Variants in PACRG observed in about 807,000 individuals in gnomAD.
The protein encoded by PACRG is parkin coregulated gene protein.
Under a neutral mutation model 29.7 loss-of-function variants are expected in PACRG, and 29 were observed. The observed-to-expected ratio is 0.98, with a 90% CI of 0.73 to 1.33. The LOEUF (loss-of-function observed/expected upper bound fraction) is 1.33. PACRG is among the 40% of genes most tolerant of loss of function. PACRG has a pLI of 0.00. For missense variants in PACRG, 279 were observed against 316.2 expected, an observed-to-expected ratio of 0.88 and a Z score of 0.89; for synonymous variants, 116 against 118.7, an observed-to-expected ratio of 0.98 and a Z score of 0.15.
intron 4 of PACRG, among the ~76,000 whole-genome samples, chr6:163,267,719 G>A (rs748981180): frequency 3.3e-5 from 5 of 152,116 alleles, no homozygotes; most frequent in Non-Finnish European, 5.9e-5. Context: ...TAGAACAATC[G>A]TATAAATCCC....
chr6:163,011,218 A>G (rs1805583225), intron 2 of PACRG, among the ~76,000 whole-genome samples: 1 of 152,184 alleles, frequency 6.6e-6, no homozygotes, highest in Non-Finnish European at 1.5e-5. Context: ...GATACCCTCT[A>G]AGAAATGTGT....
At chr6:163,173,494 G>A (rs780563694) in intron 4 of PACRG, among the ~76,000 whole-genome samples, 1 of 152,168 alleles carries the variant, frequency 6.6e-6, no homozygotes, top group Non-Finnish European at 1.5e-5. Flanking sequence ...AGAAAACGAA[G>A]CATGAATGTC....
chr6:162,914,425 T>A (rs1228365590), intron 2 of PACRG, among the ~76,000 whole-genome samples: 1 of 151,978 alleles, frequency 6.6e-6, no homozygotes, highest in Non-Finnish European at 1.5e-5. Flanking sequence ...CTTCTTTATC[T>A]TTTGCCAACC....
intron 4 of PACRG, among the ~76,000 whole-genome samples, chr6:163,258,613 C>T (rs146831039): frequency 1.1e-3 from 163 of 152,064 alleles, no homozygotes; most frequent in African/African-American, 3.8e-3. Context: ...AAAAATTAGC[C>T]GGCAATGGTG....
intron 3 of PACRG, among the ~76,000 whole-genome samples, chr6:163,086,817 AG>A (rs1813603728): frequency 6.6e-6 from 1 of 152,146 alleles, no homozygotes; most frequent in Non-Finnish European, 1.5e-5. Flanking sequence ...CTCAGTTATA[AG>A]TCTTGGAAAA....
At chr6:162,873,993 G>A (rs1475432218) in intron 2 of PACRG, among the ~76,000 whole-genome samples, 2 of 151,902 alleles carry the variant, frequency 1.3e-5, no homozygotes, top group African/African-American at 2.4e-5. Context: ...AGTGAGCAGC[G>A]CTTCTGATTG....
chr6:163,226,459 G>A (rs961966559), intron 4 of PACRG, among the ~76,000 whole-genome samples: 6 of 152,186 alleles, frequency 3.9e-5, no homozygotes, highest in Non-Finnish European at 8.8e-5. Context: ...ATCACATTGC[G>A]GACTGTAAAT....
At chr6:162,996,515 T>A (rs1442153526) in intron 2 of PACRG, among the ~76,000 whole-genome samples, 2 of 151,966 alleles carry the variant, frequency 1.3e-5, no homozygotes, top group African/African-American at 4.8e-5. Context: ...AAACAGAAAC[T>A]GAGAAAAATG....
At chr6:163,070,993 A>T (rs139491242) in intron 3 of PACRG, among the ~76,000 whole-genome samples, 11 of 152,200 alleles carry the variant, frequency 7.2e-5, no homozygotes, top group African/African-American at 2.6e-4. Flanking sequence ...GCAAGAGGAT[A>T]TAACAGTTGT....
intron 1 of PACRG, among the ~76,000 whole-genome samples, chr6:162,741,012 T>C (rs1780549990): frequency 6.6e-6 from 1 of 152,198 alleles, no homozygotes; most frequent in South Asian, 2.1e-4. Context: ...GATTTGTTCC[T>C]CTTCAGTCTG....
chr6:163,246,338 T>G (rs560421078), intron 4 of PACRG, among the ~76,000 whole-genome samples: 1 of 152,122 alleles, frequency 6.6e-6, no homozygotes, highest in African/African-American at 2.4e-5. Flanking sequence ...AGCTCCTTCT[T>G]CTGCCTGGAC....
intron 4 of PACRG, among the ~76,000 whole-genome samples, chr6:163,274,726 G>T (rs1783963005): frequency 6.6e-6 from 1 of 152,062 alleles, no homozygotes; most frequent in Non-Finnish European, 1.5e-5. Context: ...TCACCGTTCT[G>T]TTGTTTTCTA....
chr6:163,194,274 T>C (rs1290742766), intron 4 of PACRG, among the ~76,000 whole-genome samples: 1 of 152,206 alleles, frequency 6.6e-6, no homozygotes, highest in Non-Finnish European at 1.5e-5. Context: ...TCAGTGTTCC[T>C]GGGGTTCTGT....
intron 4 of PACRG, among the ~76,000 whole-genome samples, chr6:163,109,592 T>C (rs1454702219): frequency 6.6e-6 from 1 of 152,198 alleles, no homozygotes; most frequent in East Asian, 1.9e-4. Flanking sequence ...GGCATTTTAG[T>C]AAGTAGAGCA....
intron 4 of PACRG, among the ~76,000 whole-genome samples, chr6:163,102,872 T>A (rs1815178747): frequency 6.6e-6 from 1 of 152,188 alleles, no homozygotes; most frequent in Admixed American, 6.5e-5. Context: ...TAGGGTTTGT[T>A]TGTTTGTTTG....
intron 2 of PACRG, among the ~76,000 whole-genome samples, chr6:162,938,523 G>A (rs1431749700): frequency 6.6e-6 from 1 of 151,028 alleles, no homozygotes; most frequent in Non-Finnish European, 1.5e-5. Context: ...ACCAGTAGTG[G>A]GATTGCTGGA....
At chr6:163,011,478 G>A (rs1220185060) in intron 2 of PACRG, among the ~76,000 whole-genome samples, 1 of 152,194 alleles carries the variant, frequency 6.6e-6, no homozygotes, top group African/African-American at 2.4e-5. Context: ...TAGGGCATTT[G>A]CCATAAGGCT....
chr6:163,064,861 T>C (rs1458023677), intron 3 of PACRG, among the ~76,000 whole-genome samples: 2 of 151,530 alleles, frequency 1.3e-5, no homozygotes, highest in East Asian at 1.9e-4. Context: ...TAATTCTAAC[T>C]AATATCTATG....
chr6:163,041,716 T>C (rs1424931211), intron 2 of PACRG, among the ~76,000 whole-genome samples: 1 of 152,218 alleles, frequency 6.6e-6, no homozygotes, highest in African/African-American at 2.4e-5. Flanking sequence ...TCAGCAACCA[T>C]ATACTCGAGT....
Sources: allele counts gnomAD v4.1 joint callset (sites outside exome capture counted in the v4.1 genomes callset), GRCh38; gene constraint gnomAD v4.1.1; transcripts MANE v1.5; gene names NCBI Gene and HGNC (gene_info 2026-07-23, HGNC 2026-07-21).